CREB3L1: variants seen among roughly 807,000 people sequenced by gnomAD.
CREB3L1 encodes cyclic AMP-responsive element-binding protein 3-like protein 1.
CREB3L1 carries 33 observed loss-of-function variants against 54.5 expected under a neutral mutation model. That is an observed-to-expected ratio of 0.61 (90% CI 0.46 to 0.81). The LOEUF is 0.81. Among genes scored for constraint, CREB3L1 ranks in the 30% least tolerant of loss-of-function variants. The pLI, the probability that CREB3L1 is intolerant of heterozygous loss-of-function variation, is 0.00. For synonymous variants in CREB3L1, 284 were observed against 286.4 expected (o/e 0.99, Z 0.08); for missense variants, 656 against 673.3 (o/e 0.97, Z 0.29).
At chr11:46,320,098 A>T (rs1471761704) in intron 10 of CREB3L1, among the ~76,000 whole-genome samples, 166 bp from the exon 11 acceptor site, 4 of 152,174 alleles carry the variant, frequency 2.6e-5, no homozygotes, top group African/African-American at 9.6e-5. Flanking sequence ...ACTGAGGCTC[A>T]GAAAGTTTAA....
chr11:46,280,740 ATATCCGAGGT>A (rs1187648399), intron 1 of CREB3L1, among the ~76,000 whole-genome samples: 3 of 152,074 alleles, frequency 2.0e-5, no homozygotes, highest in African/African-American at 7.2e-5. Flanking sequence ...CTCCATCTCC[ATATCCGAGGT>A]TCTTTCCAGC....
intron 2 of CREB3L1, among the ~76,000 whole-genome samples, chr11:46,301,958 A>G (rs1054200242): frequency 7.9e-5 from 12 of 151,786 alleles, no homozygotes; most frequent in African/African-American, 2.7e-4. Flanking sequence ...CTCAAAAATA[A>G]TAATAATACT....
intron 1 of CREB3L1, among the ~76,000 whole-genome samples, chr11:46,286,474 A>G (rs1939056014): frequency 6.6e-6 from 1 of 152,216 alleles, no homozygotes; most frequent in African/African-American, 2.4e-5. Context: ...AGTATAATAA[A>G]ATTAATACAT....
In CREB3L1 at chr11:46,295,925, G is replaced by C. The variant is rs923200166; in HGVS notation, c.103-4010G>C. Among the ~76,000 whole-genome samples the C allele has an allele frequency of 2.6e-5, 4 of 152,250 alleles. No homozygotes were observed. The highest frequency in any genetic ancestry group is 6.5e-5 in the Admixed American group (1 of 15,284). On this transcript the variant is annotated intron_variant, in intron 1 of 11. Transcript: ENST00000621158. The surrounding 1 kb of genome is among the most constrained non-coding windows in gnomAD (Gnocchi z 4.6). ...GGAGGGAAGCCGGCGCCGGCTGCGC[G>C]TGACAGCCGAGAAGGAGCTTATATT...
intron 10 of CREB3L1, among the ~76,000 whole-genome samples, chr11:46,319,462 C>G (rs575266016): frequency 1.3e-5 from 2 of 152,340 alleles, no homozygotes; most frequent in African/African-American, 4.8e-5. Context: ...CTACTTAGGT[C>G]TATGGGCCTT....
Position 46,278,165 on chromosome 11 carries a change from C to T in CREB3L1, c.54C>T (p.Ser18=), listed in dbSNP as rs1381095774. The change falls in exon 1 of 12, where the codon AGC becomes AGT. Residue 18 remains serine, a synonymous_variant. Coordinates refer to ENST00000621158, the MANE Select transcript of CREB3L1 (RefSeq NM_052854.4). The surrounding 1 kb of genome is among the most constrained non-coding windows in gnomAD (Gnocchi z 4.2). ...CCGACAGGCTGTTCCCCGGATCCAGCTTCCTGGACTTGGGGGATCTGAACG... is the reference window on the plus strand; with the variant it reads ...CCGACAGGCTGTTCCCCGGATCCAGTTTCCTGGACTTGGGGGATCTGAACG... The part of the protein sequence containing the change: ...FPADRLFPGS[S]FLDLGDLNES... 6.3e-7 allele frequency: 1 copy of T among 1,577,402 alleles called. No homozygotes were observed. Among genetic ancestry groups the T allele is most frequent in the East Asian group, 2.3e-5 (1 of 42,554 alleles).
chr11:46,308,636 A>AT (rs1349472365), intron 3 of CREB3L1, among the ~76,000 whole-genome samples: 1 of 152,222 alleles, frequency 6.6e-6, no homozygotes, highest in Non-Finnish European at 1.5e-5. Flanking sequence ...AAAGGGGCTC[A>AT]TGAACCCCCT....
At position 46,278,796 on chromosome 11, in the gene CREB3L1, A is replaced by G. The variant is rs1938921585; in HGVS notation, c.102+583A>G. Among the ~76,000 whole-genome samples the G allele has an allele frequency of 1.3e-5, 2 of 152,166 alleles. No homozygotes were observed. The highest frequency in any genetic ancestry group is 2.9e-5 in the Non-Finnish European group (2 of 68,024). ...GAGGCGGTCAGGGCAACATAGGGTGATGGCTCAGGAGGAGGGAGCCATTTC... is the reference window on the plus strand; with the variant it reads ...GAGGCGGTCAGGGCAACATAGGGTGGTGGCTCAGGAGGAGGGAGCCATTTC... On this transcript the variant is annotated intron_variant, in intron 1 of 11. Coordinates refer to ENST00000621158, the MANE Select transcript of CREB3L1 (RefSeq NM_052854.4). This position sits in a 1 kb window ranked among gnomAD's most constrained non-coding sequence, Gnocchi z 4.2.
chr11:46,280,743 T>C (rs1488786349), intron 1 of CREB3L1, among the ~76,000 whole-genome samples: 1 of 152,146 alleles, frequency 6.6e-6, no homozygotes, highest in African/African-American at 2.4e-5. Context: ...CATCTCCATA[T>C]CCGAGGTTCT....
chr11:46,283,823 C>T (rs1939014630), intron 1 of CREB3L1, among the ~76,000 whole-genome samples: 1 of 152,090 alleles, frequency 6.6e-6, no homozygotes. Flanking sequence ...TTCAAGGCTG[C>T]AGTGAGCTAT....
chr11:46,306,803 CTCTG>C (rs1390065151), intron 2 of CREB3L1, among the ~76,000 whole-genome samples: 3 of 151,108 alleles, frequency 2.0e-5, no homozygotes. Flanking sequence ...CAGGGTCTCA[CTCTG>C]TCTGTCTAGG....
intron 1 of CREB3L1, among the ~76,000 whole-genome samples, chr11:46,296,283 T>C (rs1180031554): frequency 6.6e-6 from 1 of 151,774 alleles, no homozygotes; most frequent in Non-Finnish European, 1.5e-5. Context: ...AAAATGGGCT[T>C]TCCAGGGATG....
At position 46,307,838 on chromosome 11, in the gene CREB3L1, G is replaced by A. The variant is rs372240008; in HGVS notation, c.354G>A (p.Ala118=). ...TAGATGCAGAGCATGGAGCATGGGC[G>A]CTGGGACACAAACTGTGCTCCATCA... ...TTQDAEHGAW[A]LGHKLCSIMV... The change falls in exon 3 of 12, where the codon GCG becomes GCA. Residue 118 remains alanine (A), a synonymous_variant. Transcript: ENST00000621158. 46 of 1,579,262 alleles carry A rather than the reference G, an allele frequency of 2.9e-5. No homozygotes were observed. The highest frequency in any genetic ancestry group is 1.8e-4 in the African/African-American group (13 of 73,902).
chr11:46,285,855 G>A (rs1027238216), intron 1 of CREB3L1, among the ~76,000 whole-genome samples: 3 of 152,220 alleles, frequency 2.0e-5, no homozygotes, highest in Non-Finnish European at 4.4e-5. Flanking sequence ...TGAAAGTAGC[G>A]ATGGAGTGAG....
chr11:46,310,255 T>TTTTGGTTG (rs1555222730), intron 4 of CREB3L1, among the ~76,000 whole-genome samples, 188 bp downstream of exon 4: 3 of 150,004 alleles, frequency 2.0e-5, no homozygotes, highest in Non-Finnish European at 3.0e-5. Flanking sequence ...CGTTTTTGTT[T>TTTTGGTTG]TTTGTTTGTT....
chr11:46,300,732 G>A (rs1488272744), intron 2 of CREB3L1, among the ~76,000 whole-genome samples: 1 of 152,054 alleles, frequency 6.6e-6, no homozygotes, highest in Non-Finnish European at 1.5e-5. Flanking sequence ...AGGGCCGGGC[G>A]CGGTGGCTCA....
rs192216798 is a variant in CREB3L1, at chr11:46,310,870, A to G, written c.596-162A>G. On this transcript the variant is annotated intron_variant, in intron 4 of 11. Transcript: ENST00000621158. ...TACCCAGATGTCAACTGTCTTTCTG[A>G]CCCTGCAGAGGGGCTTCTGATGTCA... 463 of 1,070,872 alleles carry G rather than the reference A, an allele frequency of 4.3e-4. 1 individual carries two copies. In the African/African-American group the frequency reaches 7.1e-3, roughly 16 times the overall value. The allele number at this position is 1,070,872 out of a possible 1,614,324, so 66.3% of individuals were successfully genotyped here.
intron 9 of CREB3L1, among the ~76,000 whole-genome samples, chr11:46,317,141 A>AC (rs549770300): frequency 6.6e-6 from 1 of 151,602 alleles, no homozygotes; most frequent in Non-Finnish European, 1.5e-5. Flanking sequence ...GCCTGTGGCG[A>AC]CCCCCCTACA....
chr11:46,321,393 A>AC lies in CREB3L1; in HGVS notation c.*647_*648insC. On this transcript the variant is annotated 3_prime_UTR_variant, in exon 12 of 12. Coordinates refer to ENST00000621158, the MANE Select transcript of CREB3L1 (RefSeq NM_052854.4). ...GCACATGCTTTAAGAAAGCAAAACC[A>AC]AAAAAAAAAAAAAAAAGATGCAGCA... 1 of 138,426 alleles carries AC rather than the reference A, an allele frequency of 7.2e-6. No individual in the cohort carries two copies. Among genetic ancestry groups the AC allele is most frequent in the East Asian group, 1.9e-4 (1 of 5,270 alleles). 8.6% of individuals were successfully genotyped at this position (138,426 alleles called of 1,614,324 possible). A position where few individuals can be genotyped will look rare whatever the true frequency, so the allele number is the denominator to read the frequency against.
Sources: allele counts gnomAD v4.1 joint callset (sites outside exome capture counted in the v4.1 genomes callset), GRCh38; gene constraint gnomAD v4.1.1; non-coding constraint Gnocchi (gnomAD v3.1); transcripts MANE v1.5; gene names NCBI Gene and HGNC (gene_info 2026-07-23, HGNC 2026-07-21).